SLC25A27: variants seen among roughly 807,000 people sequenced by gnomAD.
SLC25A27 encodes mitochondrial uncoupling protein 4.
SLC25A27 carries 35 observed loss-of-function variants against 49.1 expected under a neutral mutation model. The observed-to-expected ratio is 0.71, with a 90% CI of 0.54 to 0.95. The LOEUF (loss-of-function observed/expected upper bound fraction) is 0.95. Among genes scored for constraint, SLC25A27 ranks in the 40% least tolerant of loss-of-function variants. SLC25A27 has a pLI of 0.00. For synonymous variants in SLC25A27, 144 were observed against 136.9 expected (o/e 1.05, Z -0.36); for missense variants, 339 against 397.1 (o/e 0.85, Z 1.24).
intron 3 of SLC25A27, among the ~76,000 whole-genome samples, chr6:46,659,325 G>T (rs1289015289): frequency 6.6e-6 from 1 of 152,040 alleles, no homozygotes; most frequent in Non-Finnish European, 1.5e-5. Context: ...AGAACTCTCG[G>T]CTTTAGAGTC....
intron 8 of SLC25A27, among the ~76,000 whole-genome samples, chr6:46,673,722 C>G (rs762502622): frequency 2.0e-5 from 3 of 152,030 alleles, no homozygotes; most frequent in Non-Finnish European, 2.9e-5. Context: ...ACTTAAGGAC[C>G]AAGTTGGGAA....
chr6:46,661,482 T>C (rs938442912), intron 3 of SLC25A27, among the ~76,000 whole-genome samples: 1 of 152,266 alleles, frequency 6.6e-6, no homozygotes, highest in East Asian at 1.9e-4. Context: ...GGATAGCCTT[T>C]AAGATATGCT....
intron 3 of SLC25A27, among the ~76,000 whole-genome samples, chr6:46,662,127 T>C (rs1763182073): frequency 1.3e-5 from 2 of 152,148 alleles, no homozygotes; most frequent in African/African-American, 4.8e-5. Context: ...TGTGTATCTT[T>C]GAAGCAACTG....
chr6:46,656,421 C>T, intron 2 of SLC25A27, among the ~76,000 whole-genome samples: 1 of 151,544 alleles, frequency 6.6e-6, no homozygotes, highest in Non-Finnish European at 1.5e-5. Context: ...CCCTGGCTCA[C>T]TGCAACCTTT....
intron 5 of SLC25A27, 74 bp from the exon 6 acceptor site, chr6:46,668,635 C>A: frequency 1.2e-6 from 1 of 868,830 alleles, no homozygotes; most frequent in Non-Finnish European, 1.9e-6. Context: ...ATTCCTGCCC[C>A]AAGCCTAGCA....
At chr6:46,656,119 A>C in intron 2 of SLC25A27, 85 bp downstream of exon 2, 1 of 1,131,088 alleles carries the variant, frequency 8.8e-7, no homozygotes, top group Non-Finnish European at 1.3e-6. Context: ...AAAACAAGTT[A>C]GTTTTTTTAT....
intron 5 of SLC25A27, among the ~76,000 whole-genome samples, chr6:46,668,235 G>GGCTGAGGCTCAA: frequency 6.6e-6 from 1 of 152,248 alleles, no homozygotes; most frequent in Admixed American, 6.5e-5. Flanking sequence ...CTACTTGGGA[G>GGCTGAGGCTCAA]GCTGAGGCAC....
Position 46,653,186 on chromosome 6 carries a change from C to T in SLC25A27, c.-7C>T. ...AGGAGTGCGTTATCGTCTTGCGCTA[C>T]TGCTGAATGTCCGTCCCGGAGGAGG... On this transcript the variant is annotated 5_prime_UTR_variant, in exon 1 of 9. Coordinates refer to ENST00000371347, the MANE Select transcript of SLC25A27 (RefSeq NM_004277.5). 2 of 1,611,978 alleles carry T rather than the reference C, an allele frequency of 1.2e-6. No homozygotes were observed. The highest frequency in any genetic ancestry group is 1.7e-6 in the Non-Finnish European group (2 of 1,178,750).
At position 46,658,991 on chromosome 6, in the gene SLC25A27, G is replaced by A; in HGVS notation, c.328G>A (p.Glu110Lys). Residue 110 changes from glutamate (E) to lysine (K), a missense_variant, in exon 3 of 9, where the codon GAA becomes AAA. By Grantham distance (56) the Glu-to-Lys change is moderately conservative. Coordinates refer to ENST00000371347, the MANE Select transcript of SLC25A27 (RefSeq NM_004277.5). Reference sequence around the variant, plus strand: ...TTCTGGAGGTCGAATGGTCACATATGAACATCTCCGAGAGGTTGTGTTTGG... The same window carrying A: ...TTCTGGAGGTCGAATGGTCACATATAAACATCTCCGAGAGGTTGTGTTTGG... ...VYSGGRMVTY[E>K]HLREVVFGKS... is the part of the protein sequence containing the mutation. 1.2e-6 allele frequency: 2 copies of A among 1,613,790 alleles called. No individual in the cohort carries two copies. The highest frequency in any genetic ancestry group is 1.7e-6 in the Non-Finnish European group (2 of 1,179,744).
intron 1 of SLC25A27, among the ~76,000 whole-genome samples, chr6:46,655,126 C>T (rs769949686): frequency 2.6e-5 from 4 of 152,048 alleles, no homozygotes; most frequent in East Asian, 1.9e-4. Flanking sequence ...CATGAGTAGG[C>T]GATGCATATA....
chr6:46,666,476 A>T (rs940583790), intron 5 of SLC25A27, among the ~76,000 whole-genome samples: 5 of 152,244 alleles, frequency 3.3e-5, no homozygotes, highest in Admixed American at 1.3e-4. Context: ...TTCTAGAAAT[A>T]TAGCACCTAA....
At chr6:46,656,261 A>G (rs987875602) in intron 2 of SLC25A27, among the ~76,000 whole-genome samples, 2 of 151,472 alleles carry the variant, frequency 1.3e-5, no homozygotes, top group Non-Finnish European at 2.9e-5. Flanking sequence ...GCTCACTGCA[A>G]CCTCTGCCTC....
intron 1 of SLC25A27, chr6:46,654,182 A>T: frequency 1.1e-6 from 1 of 938,960 alleles, no homozygotes; most frequent in Non-Finnish European, 1.3e-6. Flanking sequence ...TTAACTGTGT[A>T]TTTTAAGATT....
intron 5 of SLC25A27, among the ~76,000 whole-genome samples, 200 bp downstream of exon 5, chr6:46,665,086 A>G (rs548252913): frequency 8.2e-4 from 125 of 152,320 alleles, no homozygotes; most frequent in South Asian, 2.9e-3. Flanking sequence ...TGATGTATGA[A>G]AAGGATAGGA....
Position 46,677,752 on chromosome 6 carries a change from G to T in SLC25A27, c.*1298G>T, listed in dbSNP as rs1763847962. On this transcript the variant is annotated 3_prime_UTR_variant, in exon 9 of 9. Transcript: ENST00000371347. ...AAAAACATGAAAAGCTCAGGCCCAAGAAAGGCCTTGGAGCCAGCCAAACAG... is the reference window on the plus strand; with the variant it reads ...AAAAACATGAAAAGCTCAGGCCCAATAAAGGCCTTGGAGCCAGCCAAACAG... 1 of 152,370 alleles carries T rather than the reference G, an allele frequency of 6.6e-6. No individual in the cohort carries two copies. The highest frequency in any genetic ancestry group is 1.5e-5 in the Non-Finnish European group (1 of 68,018). 9.4% of individuals were successfully genotyped at this position (152,370 alleles called of 1,614,324 possible). A position where few individuals can be genotyped will look rare whatever the true frequency, so the allele number is the denominator to read the frequency against.
At chr6:46,654,891 A>G (rs1010935982) in intron 1 of SLC25A27, among the ~76,000 whole-genome samples, 2 of 152,200 alleles carry the variant, frequency 1.3e-5, no homozygotes, top group Non-Finnish European at 2.9e-5. Context: ...GTTTTGTGTC[A>G]GGTGGTGGTC....
chr6:46,671,008 G>C (rs1763513062), intron 7 of SLC25A27, 118 bp from the exon 8 acceptor site: 1 of 667,284 alleles, frequency 1.5e-6, no homozygotes, highest in African/African-American at 1.9e-5. Context: ...GGGATTACAG[G>C]CGTAAGCCAC....
At position 46,656,054 on chromosome 6, in the gene SLC25A27, C is replaced by T. The variant is rs2150631472; in HGVS notation, c.298+20C>T. 6.3e-7 allele frequency: 1 copy of T among 1,585,720 alleles called. No individual in the cohort carries two copies. The highest frequency in any genetic ancestry group is 8.6e-7 in the Non-Finnish European group (1 of 1,166,396). On this transcript the variant is annotated intron_variant, in intron 2 of 8. Transcript: ENST00000371347. Reference sequence around the variant, plus strand: ...ACGTAGGTATTTATCTTGATTCTAGCTGGTAAGTTTGTTATGAGTTCTGTG... The same window carrying T: ...ACGTAGGTATTTATCTTGATTCTAGTTGGTAAGTTTGTTATGAGTTCTGTG...
chr6:46,662,980 G>A (rs997931268), intron 4 of SLC25A27, among the ~76,000 whole-genome samples: 1 of 152,172 alleles, frequency 6.6e-6, no homozygotes, highest in African/African-American at 2.4e-5. Flanking sequence ...AAAGAGAGTA[G>A]CAAGGATAAC....
Sources: gnomAD v4.1 joint callset for allele counts (sites outside exome capture counted in the v4.1 genomes callset) on GRCh38, gnomAD v4.1.1 for gene constraint, MANE v1.5 for transcripts, NCBI Gene and HGNC (gene_info 2026-07-23, HGNC 2026-07-21) for gene names.